The following RNF135 variants were observed in gnomAD, a reference collection of about 807,000 sequenced individuals.
RNF135 encodes the protein ring finger protein 135.
A neutral mutation model predicts 41.9 loss-of-function variants in RNF135; 46 were observed. The observed-to-expected ratio is 1.10, with a 90% CI of 0.87 to 1.40. RNF135 has a LOEUF of 1.40. Ranked by LOEUF, RNF135 falls within the 40% of genes most tolerant of loss-of-function variation. The pLI is 0.00. For missense variants in RNF135, 539 were observed against 549.8 expected, an observed-to-expected ratio of 0.98 and a Z score of 0.20; for synonymous variants, 238 against 223.8, an observed-to-expected ratio of 1.06 and a Z score of -0.57.
chr17:30,975,049 G>C (rs1343614398), intron 1 of RNF135, among the ~76,000 whole-genome samples: 1 of 151,864 alleles, frequency 6.6e-6, no homozygotes, highest in African/African-American at 2.4e-5. Context: ...AGCACTTTGG[G>C]AGGCAGAAGC....
At chr17:30,996,047 G>C (rs964372824) in intron 3 of RNF135, among the ~76,000 whole-genome samples, 1 of 150,642 alleles carries the variant, frequency 6.6e-6, no homozygotes, top group Non-Finnish European at 1.5e-5. Flanking sequence ...AAAGTATTGG[G>C]ATTACAGGCG....
At chr17:30,964,055 T>C in the RNF135 span, among the ~76,000 whole-genome samples, 1 of 152,172 alleles carries the variant, frequency 6.6e-6, no homozygotes, top group Non-Finnish European at 1.5e-5. Context: ...AATGATCTCT[T>C]CCGTCCCTTG....
In RNF135 at chr17:30,971,198, G is replaced by A. The variant is rs774526846; in HGVS notation, c.125G>A (p.Arg42His). ...ATLPCGHSFC[R>H]HCLEALWGAR... ...CTGCCCTGCGGCCACAGCTTCTGCC[G>A]CCACTGCCTGGAGGCCCTGTGGGGC... The change falls in exon 1 of 5, where the codon CGC (arginine) becomes CAC (histidine). Residue 42 changes from arginine to histidine, a missense_variant. By Grantham distance (29) the Arg-to-His change is conservative. Around this residue, in one of 2 missense-constraint regions of RNF135, gnomAD observed 277 missense variants for 212.8 expected, o/e 1.30. Coordinates refer to ENST00000328381, the MANE Select transcript of RNF135 (RefSeq NM_032322.4). 34 of 1,523,920 alleles carry A rather than the reference G, an allele frequency of 2.2e-5. No homozygotes were observed. The highest frequency in any genetic ancestry group is 2.1e-4 in the South Asian group (17 of 82,846). 94.4% of individuals were successfully genotyped at this position (1,523,920 alleles called of 1,614,324 possible).
chr17:30,964,389 C>CAAAAAA, the RNF135 span, among the ~76,000 whole-genome samples: 1 of 37,196 alleles, frequency 2.7e-5, no homozygotes, highest in Non-Finnish European at 6.1e-5. Context: ...GACTTCATCT[C>CAAAAAA]AAAAAAAAAA....
chr17:30,989,156 G>T (rs1907821518), intron 3 of RNF135, among the ~76,000 whole-genome samples: 1 of 151,452 alleles, frequency 6.6e-6, no homozygotes, highest in Non-Finnish European at 1.5e-5. Flanking sequence ...GATCTCTTGA[G>T]GCCAGGAGTT....
the RNF135 span, among the ~76,000 whole-genome samples, chr17:30,960,744 ATT>A: frequency 6.7e-5 from 9 of 134,666 alleles, 1 homozygote; most frequent in African/African-American, 2.4e-4. Flanking sequence ...ATTTTATTTT[ATT>A]TTTTTTTTTT....
intron 1 of RNF135, among the ~76,000 whole-genome samples, chr17:30,983,353 A>ATATATATATATATATTTT (rs1420453160): frequency 3.6e-4 from 13 of 35,724 alleles, no homozygotes; most frequent in Non-Finnish European, 5.4e-4. Flanking sequence ...ATATATATAT[A>ATATATATATATATATTTT]TTTTTTTTTT....
At chr17:30,984,549 C>T in intron 1 of RNF135, 68 bp from the exon 2 acceptor site, 1 of 1,535,012 alleles carries the variant, frequency 6.5e-7, no homozygotes, top group Non-Finnish European at 9.0e-7. Context: ...TTATGATTCC[C>T]TCTGTCTAGT....
At chr17:30,989,752 C>G (rs1280001093) in intron 3 of RNF135, among the ~76,000 whole-genome samples, 1 of 152,084 alleles carries the variant, frequency 6.6e-6, no homozygotes, top group Non-Finnish European at 1.5e-5. Context: ...GTAATCCCAG[C>G]ACTTTGGGAG....
At chr17:30,964,687 CTT>C in the RNF135 span, among the ~76,000 whole-genome samples, 57 of 138,264 alleles carry the variant, frequency 4.1e-4, no homozygotes, top group Admixed American at 5.8e-4. Flanking sequence ...CATTTCTTAT[CTT>C]TTTTTTTTTT....
chr17:30,998,824 G>A lies in RNF135; in HGVS notation c.932G>A (p.Gly311Glu), dbSNP rs756068188. 2.5e-6 allele frequency: 4 copies of A among 1,613,484 alleles called. No homozygotes were observed. The highest frequency in any genetic ancestry group is 2.5e-6 in the Non-Finnish European group (3 of 1,179,764). The change falls in exon 5 of 5, where the codon GGA becomes GAA. Residue 311 changes from glycine to glutamate, a missense_variant. Transcript: ENST00000328381. Reference sequence around the variant, plus strand: ...TTATGTTCCCAGGCCCTGTCTTCTGGAAAGCATTACTGGGAAGTGGACACT... The same window carrying A: ...TTATGTTCCCAGGCCCTGTCTTCTGAAAAGCATTACTGGGAAGTGGACACT... ...QVLCSQALSSGKHYWEVDTRN... is the reference protein window; with the variant it reads ...QVLCSQALSSEKHYWEVDTRN...
chr17:30,970,715 TTTA>T, upstream of RNF135: 1 of 304,366 alleles, frequency 3.3e-6, no homozygotes, highest in South Asian at 4.0e-5. Flanking sequence ...TTTTTTGTTG[TTTA>T]TTTTTTTTTA....
intron 1 of RNF135, chr17:30,979,165 C>T (rs1906735981): frequency 6.2e-6 from 1 of 160,340 alleles, no homozygotes; most frequent in African/African-American, 2.5e-5. Context: ...AGGGGCTCCT[C>T]ACTTCCCAGT....
upstream of RNF135, chr17:30,971,025 G>A: frequency 2.0e-6 from 3 of 1,532,592 alleles, no homozygotes; most frequent in East Asian, 2.4e-5. Flanking sequence ...AGCCTGAGGA[G>A]ACTCGCCCGG....
rs1452139652 is a variant in RNF135 at position 30,971,381 on chromosome 17, G to T, written c.308G>T (p.Cys103Phe). 3 of 1,526,620 alleles carry T rather than the reference G, an allele frequency of 2.0e-6. No individual in the cohort carries two copies. Among genetic ancestry groups the T allele is most frequent in the South Asian group, 1.2e-5 (1 of 83,006 alleles). The allele number at this position is 1,526,620 out of a possible 1,614,324, so 94.6% of individuals were successfully genotyped here. The change falls in exon 1 of 5, where the codon TGC becomes TTC. Residue 103 changes from cysteine (C) to phenylalanine (F), a missense_variant. Physicochemically the swap from Cys to Phe is radical, Grantham distance 205 (BLOSUM62 -2). Transcript: ENST00000328381. ...GGCTCCGACCCTGCCCACTGCCCCT[G>T]CCCGGGCTCCAGTTCCCTCTCCAGC... The part of the protein sequence containing the change: ...QAGSDPAHCP[C>F]PGSSSLSSAA...
chr17:30,999,328 G>A lies in RNF135; in HGVS notation c.*137G>A, dbSNP rs1289358300. On this transcript the variant is annotated 3_prime_UTR_variant, in exon 5 of 5. Transcript: ENST00000328381. ...GGGATCTCACTAGGTTGCCCAGGCTGGTGTCGAATTCCTGGTCTCAAGCAG... is the reference window on the plus strand; with the variant it reads ...GGGATCTCACTAGGTTGCCCAGGCTAGTGTCGAATTCCTGGTCTCAAGCAG... 4 of 973,122 alleles carry A rather than the reference G, an allele frequency of 4.1e-6. No homozygotes were observed. The highest frequency in any genetic ancestry group is 6.2e-6 in the Non-Finnish European group (4 of 644,898). The allele number at this position is 973,122 out of a possible 1,614,324, so 60.3% of individuals were successfully genotyped here.
Position 30,997,226 on chromosome 17 carries a change from T to C in RNF135, c.680-16T>C. 1.9e-6 allele frequency: 3 copies of C among 1,604,110 alleles called. No individual in the cohort carries two copies. Among genetic ancestry groups the C allele is most frequent in the South Asian group, 1.1e-5 (1 of 90,910 alleles). On this transcript the variant is annotated splice_polypyrimidine_tract_variant and intron_variant, in intron 3 of 4. Transcript: ENST00000328381. The stretch of plus-strand genomic sequence containing the variant: ...TTCTGATGGGACTTTCCTCTGTTAA[T>C]TTTTTTGTTACTTAGGAGAACTCCT...
At chr17:30,964,659 C>A in the RNF135 span, among the ~76,000 whole-genome samples, 14 of 150,892 alleles carry the variant, frequency 9.3e-5, no homozygotes, top group Admixed American at 5.3e-4. Context: ...ATCCAGCACA[C>A]AAACTCAAGC....
chr17:30,988,469 C>G (rs1171330921), intron 3 of RNF135, among the ~76,000 whole-genome samples: 1 of 139,416 alleles, frequency 7.2e-6, no homozygotes, highest in African/African-American at 2.7e-5. Context: ...ACTCTGTCGC[C>G]CAGGCTGGAG....
Sources: allele counts gnomAD v4.1 joint callset (sites outside exome capture counted in the v4.1 genomes callset), GRCh38; gene constraint gnomAD v4.1.1; regional missense constraint gnomAD v4.1.1; transcripts MANE v1.5; gene names NCBI Gene and HGNC (gene_info 2026-07-23, HGNC 2026-07-21).